Variants in ERC1 observed in about 807,000 individuals in gnomAD.
ERC1 encodes the protein RAB6 interacting protein 2.
A neutral mutation model predicts 132.0 loss-of-function variants in ERC1; 56 were observed. That is an observed-to-expected ratio of 0.42 (90% CI 0.34 to 0.53). ERC1 has a LOEUF of 0.53. Ranked by LOEUF, ERC1 falls within the 20% of genes least tolerant of loss-of-function variation. The pLI is 0.03. For missense variants in ERC1, 1,202 were observed against 1,349.9 expected (o/e 0.89, Z 1.72); for synonymous variants, 478 against 476.1 (o/e 1.00, Z -0.05).
intron 7 of ERC1, among the ~76,000 whole-genome samples, chr12:1,120,853 C>T (rs992797577): frequency 6.6e-6 from 1 of 152,060 alleles, no homozygotes; most frequent in African/African-American, 2.4e-5. Flanking sequence ...AAGGTGAGGA[C>T]CTGCCCTTGC....
intron 2 of ERC1, among the ~76,000 whole-genome samples, chr12:1,042,645 TTTAA>T (rs1970443263): frequency 6.6e-6 from 1 of 152,064 alleles, no homozygotes; most frequent in African/African-American, 2.4e-5. Context: ...GCCTAGTATT[TTTAA>T]TTTTTTTTTT....
At chr12:1,059,413 A>C (rs1355039170) in intron 2 of ERC1, among the ~76,000 whole-genome samples, 4 of 152,138 alleles carry the variant, frequency 2.6e-5, no homozygotes, top group Non-Finnish European at 5.9e-5. Flanking sequence ...GTCTGGTTCT[A>C]GTTCTTAGAG....
intron 15 of ERC1, among the ~76,000 whole-genome samples, chr12:1,362,839 C>G (rs1247701874): frequency 6.6e-6 from 1 of 152,108 alleles, no homozygotes; most frequent in African/African-American, 2.4e-5. Context: ...GAAATACACA[C>G]TTTAAAATGG....
At chr12:1,022,700 C>T (rs1213656861) in intron 1 of ERC1, among the ~76,000 whole-genome samples, 4 of 152,126 alleles carry the variant, frequency 2.6e-5, no homozygotes, top group Non-Finnish European at 5.9e-5. Context: ...GAGTCTTGCT[C>T]TGTCACCCAG....
chr12:1,247,869 G>C (rs1289724178), intron 13 of ERC1, among the ~76,000 whole-genome samples: 2 of 152,182 alleles, frequency 1.3e-5, no homozygotes, highest in East Asian at 3.8e-4. Context: ...GGTGGCACAT[G>C]CCTGTAATCC....
At chr12:1,109,857 G>A (rs1209607682) in intron 4 of ERC1, among the ~76,000 whole-genome samples, 1 of 152,208 alleles carries the variant, frequency 6.6e-6, no homozygotes, top group African/African-American at 2.4e-5. Flanking sequence ...AGACCAGCCT[G>A]GCCAACATGG....
At chr12:1,269,433 G>A (rs952090698) in intron 14 of ERC1, among the ~76,000 whole-genome samples, 10 of 152,154 alleles carry the variant, frequency 6.6e-5, no homozygotes, top group African/African-American at 2.2e-4. Context: ...AGAGCTGAAC[G>A]TGTCTAAGGA....
intron 13 of ERC1, among the ~76,000 whole-genome samples, chr12:1,242,981 A>G (rs1204611003): frequency 6.6e-6 from 1 of 151,856 alleles, no homozygotes; most frequent in Non-Finnish European, 1.5e-5. Flanking sequence ...AGGTCAGGAG[A>G]TCGAGACCAT....
chr12:1,072,100 CA>C (rs11438076), intron 2 of ERC1, among the ~76,000 whole-genome samples: 4 of 136,070 alleles, frequency 2.9e-5, no homozygotes, highest in Non-Finnish European at 6.3e-5. Context: ...GACTCTGTCT[CA>C]AAAAAAAAAA....
chr12:1,022,143 C>A (rs1190548618), intron 1 of ERC1, among the ~76,000 whole-genome samples: 1 of 152,092 alleles, frequency 6.6e-6, no homozygotes. Flanking sequence ...TCTTGAATTC[C>A]TGGACTCAAG....
intron 16 of ERC1, among the ~76,000 whole-genome samples, chr12:1,402,819 C>T (rs2091189503): frequency 6.6e-6 from 1 of 152,118 alleles, no homozygotes; most frequent in Admixed American, 6.5e-5. Flanking sequence ...ATAATTTTAA[C>T]AGTGACTTAA....
intron 16 of ERC1, among the ~76,000 whole-genome samples, chr12:1,385,215 TAA>T (rs941750839): frequency 5.5e-4 from 83 of 152,254 alleles, no homozygotes; most frequent in African/African-American, 2.0e-3. Flanking sequence ...CAATTTCTGC[TAA>T]ATGAAAGATT....
At chr12:1,171,356 C>CTTTTTTTTTTTTTTTTT (rs57007848) in intron 8 of ERC1, among the ~76,000 whole-genome samples, 1 of 87,298 alleles carries the variant, frequency 1.1e-5, no homozygotes. Flanking sequence ...GCAAAACATT[C>CTTTTTTTTTTTTTTTTT]TTTTTTTTTT....
At chr12:1,164,903 A>G (rs1952252910) in intron 8 of ERC1, among the ~76,000 whole-genome samples, 1 of 152,208 alleles carries the variant, frequency 6.6e-6, no homozygotes, top group Admixed American at 6.5e-5. Flanking sequence ...CTTATTAACC[A>G]GAATGGAAGT....
At chr12:1,059,093 C>G (rs1368391961) in intron 2 of ERC1, among the ~76,000 whole-genome samples, 2 of 152,048 alleles carry the variant, frequency 1.3e-5, no homozygotes. Context: ...GTTGTTGTAG[C>G]TTATTGTAAA....
chr12:1,377,432 T>G (rs1482094961), intron 16 of ERC1, among the ~76,000 whole-genome samples: 1 of 152,212 alleles, frequency 6.6e-6, no homozygotes, highest in East Asian at 1.9e-4. Flanking sequence ...GTACATGCTT[T>G]CACACTTCCC....
chr12:1,442,034 T>G lies in ERC1; in HGVS notation c.3025-2528T>G, dbSNP rs953111086. ...CCTCCGCTTCCCGGGTTCAAGCGATTCTCCGGCCTCAGCCTCCCACATAGC... is the reference window on the plus strand; with the variant it reads ...CCTCCGCTTCCCGGGTTCAAGCGATGCTCCGGCCTCAGCCTCCCACATAGC... On this transcript the variant is annotated intron_variant, in intron 17 of 18. Coordinates refer to ENST00000360905, the MANE Select transcript of ERC1 (RefSeq NM_178040.4). Among the ~76,000 whole-genome samples the G allele has an allele frequency of 2.0e-5, 3 of 152,122 alleles. No homozygotes were observed. The East Asian group carries it at 5.8e-4, about 29-fold the overall frequency.
In ERC1 at chr12:1,444,617, T is replaced by C. The variant is rs1314408000; in HGVS notation, c.3080T>C (p.Ile1027Thr). The C allele has an allele frequency of 6.2e-7, 1 of 1,614,058 alleles. No individual in the cohort carries two copies. Among genetic ancestry groups the C allele is most frequent in the Non-Finnish European group, 8.5e-7 (1 of 1,179,952 alleles). Reference sequence around the variant, plus strand: ...AATAGAAGTAAATTAAAGTTGTACATTGGACACCTGACAACCCTCTGCCAT... The same window carrying C: ...AATAGAAGTAAATTAAAGTTGTACACTGGACACCTGACAACCCTCTGCCAT... Reference protein sequence around the residue: ...DQNRSKLKLYIGHLTTLCHDR... With the variant: ...DQNRSKLKLYTGHLTTLCHDR... The change falls in exon 18 of 19, where the codon ATT becomes ACT. Residue 1027 changes from isoleucine to threonine, a missense_variant. Coordinates refer to ENST00000360905, the MANE Select transcript of ERC1 (RefSeq NM_178040.4).
intron 18 of ERC1, among the ~76,000 whole-genome samples, chr12:1,471,017 AT>A: frequency 6.6e-6 from 1 of 152,210 alleles, no homozygotes; most frequent in South Asian, 2.1e-4. Context: ...GTTGAGTTTT[AT>A]TTTTTTAATT....
Sources: allele counts gnomAD v4.1 joint callset (sites outside exome capture counted in the v4.1 genomes callset), GRCh38; gene constraint gnomAD v4.1.1; transcripts MANE v1.5; gene names NCBI Gene and HGNC (gene_info 2026-07-23, HGNC 2026-07-21).